Variants in CMSS1 observed in about 807,000 individuals in gnomAD.
CMSS1 encodes the protein protein CMSS1.
CMSS1 carries 33 observed loss-of-function variants against 43.5 expected under a neutral mutation model. The observed-to-expected ratio is 0.76, with a 90% CI of 0.57 to 1.01. CMSS1 has a LOEUF of 1.01. Among genes scored for constraint, CMSS1 ranks in the 50% least tolerant of loss-of-function variants. CMSS1 has a pLI of 0.00. For missense variants in CMSS1, 313 were observed against 326.4 expected (o/e 0.96, Z 0.32); for synonymous variants, 115 against 117.2 (o/e 0.98, Z 0.12).
chr3:99,973,828 G>C (rs1419872103), intron 1 of CMSS1, among the ~76,000 whole-genome samples: 1 of 152,142 alleles, frequency 6.6e-6, no homozygotes, highest in Non-Finnish European at 1.5e-5. Flanking sequence ...TCCTAGGCCT[G>C]GTGTTTGTTG....
chr3:99,911,825 AT>A (rs902724708), intron 1 of CMSS1, among the ~76,000 whole-genome samples: 12 of 151,336 alleles, frequency 7.9e-5, no homozygotes, highest in African/African-American at 2.4e-4. Context: ...CTTCTTCATT[AT>A]TTTTTTTTCC....
chr3:100,173,876 G>A (rs2067128872), intron 8 of CMSS1, among the ~76,000 whole-genome samples: 1 of 152,136 alleles, frequency 6.6e-6, no homozygotes, highest in South Asian at 2.1e-4. Flanking sequence ...CTGTGACCTT[G>A]GCAAGTTACT....
chr3:99,958,385 A>C (rs958563538), intron 1 of CMSS1, among the ~76,000 whole-genome samples: 1 of 152,056 alleles, frequency 6.6e-6, no homozygotes, highest in African/African-American at 2.4e-5. Context: ...AGGGCCTGTT[A>C]ATGCCAGCCA....
chr3:99,953,764 T>C (rs1559701720), intron 1 of CMSS1, among the ~76,000 whole-genome samples: 3 of 152,210 alleles, frequency 2.0e-5, no homozygotes, highest in Non-Finnish European at 4.4e-5. Context: ...CAGTCTATAC[T>C]GACAGAGAAC....
chr3:100,021,960 T>TGTGTGTGTGTGAGA (rs1321185364), intron 1 of CMSS1, among the ~76,000 whole-genome samples: 1 of 93,332 alleles, frequency 1.1e-5, no homozygotes, highest in Admixed American at 1.1e-4. Flanking sequence ...TGTGTGTGTG[T>TGTGTGTGTGTGAGA]GAGAGAGAGA....
Position 100,062,093 on chromosome 3 carries a change from C to CTTTTTTTTTTTTTTTT in CMSS1, c.65-84859_65-84844dup, listed in dbSNP as rs71907944. 7.3e-4 allele frequency among the ~76,000 whole-genome samples: 39 copies of CTTTTTTTTTTTTTTTT among 53,180 alleles called. 6 individuals are homozygous for CTTTTTTTTTTTTTTTT. Among genetic ancestry groups the CTTTTTTTTTTTTTTTT allele is most frequent in the South Asian group, 1.2e-3 (2 of 1,680 alleles). The allele number at this position is 53,180 out of a possible 152,430, so 34.9% of individuals were successfully genotyped here. Reference sequence around the variant, plus strand: ...CCACTTGTGGTTATCCTGTCTTCTTCTTTTTTTTTTTTTTTTTTTTTTTTT... The same window carrying CTTTTTTTTTTTTTTTT: ...CCACTTGTGGTTATCCTGTCTTCTTCTTTTTTTTTTTTTTTTTTTTTTTTTTTTTTTTTTTTTTTTT... On this transcript the variant is annotated intron_variant, in intron 1 of 9. Transcript: ENST00000421999.
chr3:99,853,659 G>A (rs1943815373), intron 1 of CMSS1, among the ~76,000 whole-genome samples: 1 of 152,146 alleles, frequency 6.6e-6, no homozygotes. Flanking sequence ...TCTTTTTCAT[G>A]GTTTTTGTAA....
chr3:100,063,915 A>G (rs1331913353), intron 1 of CMSS1, among the ~76,000 whole-genome samples: 1 of 152,190 alleles, frequency 6.6e-6, no homozygotes, highest in Non-Finnish European at 1.5e-5. Flanking sequence ...AAATCTCTCC[A>G]CATGTTTACC....
At chr3:100,056,181 A>T (rs1380245881) in intron 1 of CMSS1, among the ~76,000 whole-genome samples, 1 of 152,214 alleles carries the variant, frequency 6.6e-6, no homozygotes, top group East Asian at 1.9e-4. Flanking sequence ...CAAAAATGGT[A>T]GGGTACCAAA....
At chr3:100,006,582 T>G (rs567071010) in intron 1 of CMSS1, among the ~76,000 whole-genome samples, 3 of 152,248 alleles carry the variant, frequency 2.0e-5, no homozygotes, top group Admixed American at 1.3e-4. Context: ...TTTTACCCTT[T>G]TTGTTTAGTA....
At chr3:99,957,436 A>G (rs559993050) in intron 1 of CMSS1, among the ~76,000 whole-genome samples, 67 of 152,294 alleles carry the variant, frequency 4.4e-4, no homozygotes, top group African/African-American at 1.5e-3. Context: ...AAAATTATGT[A>G]TCTACACATA....
intron 1 of CMSS1, chr3:100,115,003 G>A (rs751423057): frequency 9.9e-6 from 15 of 1,508,696 alleles, no homozygotes; most frequent in Non-Finnish European, 1.3e-5. Context: ...ATGGTGGTAT[G>A]TTTATTATTA....
intron 1 of CMSS1, among the ~76,000 whole-genome samples, chr3:100,037,439 A>T (rs1306341617): frequency 1.3e-5 from 2 of 152,114 alleles, no homozygotes; most frequent in Non-Finnish European, 2.9e-5. Flanking sequence ...AAAGATTAAA[A>T]CAAAGCAAAC....
intron 1 of CMSS1, among the ~76,000 whole-genome samples, chr3:100,014,895 C>CTTTTTTTTTTTTTTTTTTTTTTTT (rs1233573719): frequency 4.0e-5 from 1 of 25,002 alleles, no homozygotes; most frequent in Non-Finnish European, 7.0e-5. Flanking sequence ...TTCTTTCTTT[C>CTTTTTTTTTTTTTTTTTTTTTTTT]TTTTTTTTTT....
chr3:100,052,082 CAT>C (rs1335422292), intron 1 of CMSS1, among the ~76,000 whole-genome samples: 4 of 152,046 alleles, frequency 2.6e-5, no homozygotes, highest in Non-Finnish European at 4.4e-5. Flanking sequence ...TTATTTGTCA[CAT>C]GTTATTTAGG....
At chr3:100,120,493 T>A (rs977033573) in intron 1 of CMSS1, among the ~76,000 whole-genome samples, 3 of 152,200 alleles carry the variant, frequency 2.0e-5, no homozygotes, top group Admixed American at 6.5e-5. Context: ...TCCTTCTGTC[T>A]AAAAATGTTA....
At chr3:99,873,873 A>G (rs1409823811) in intron 1 of CMSS1, among the ~76,000 whole-genome samples, 1 of 152,212 alleles carries the variant, frequency 6.6e-6, no homozygotes, top group Non-Finnish European at 1.5e-5. Context: ...AATCACCACA[A>G]AAGTGCAAAT....
At chr3:100,011,510 T>C (rs543945292) in intron 1 of CMSS1, among the ~76,000 whole-genome samples, 1 of 152,268 alleles carries the variant, frequency 6.6e-6, no homozygotes, top group African/African-American at 2.4e-5. Flanking sequence ...TCCCTCCAGT[T>C]TTAATTTTAT....
chr3:99,878,781 G>A (rs938784565), intron 1 of CMSS1, among the ~76,000 whole-genome samples: 14 of 152,194 alleles, frequency 9.2e-5, no homozygotes, highest in African/African-American at 3.4e-4. Context: ...TGATACAAGA[G>A]TACCCTGGGT....
Sources: allele counts gnomAD v4.1 joint callset (sites outside exome capture counted in the v4.1 genomes callset), GRCh38; gene constraint gnomAD v4.1.1; transcripts MANE v1.5; gene names NCBI Gene and HGNC (gene_info 2026-07-23, HGNC 2026-07-21).